CFAP43: variants seen among roughly 807,000 people sequenced by gnomAD.
CFAP43 encodes the protein cilia and flagella associated protein 43, also known as cilia- and flagella-associated protein 43.
A neutral mutation model predicts 218.9 loss-of-function variants in CFAP43; 155 were observed. The ratio of observed to expected loss-of-function variants is 0.71; its 90% CI spans 0.62 to 0.81. The LOEUF (loss-of-function observed/expected upper bound fraction) is 0.81, where lower values mean the gene tolerates loss of function less well. CFAP43 is among the 30% of genes least tolerant of loss of function. The pLI is 0.00. For missense variants in CFAP43, 1,778 were observed against 1,954.3 expected (o/e 0.91, Z 1.70); for synonymous variants, 645 against 681.3 (o/e 0.95, Z 0.83).
chr10:104,190,050 C>T (rs1435208083), intron 12 of CFAP43, among the ~76,000 whole-genome samples: 4 of 150,494 alleles, frequency 2.7e-5, no homozygotes, highest in African/African-American at 9.8e-5. Context: ...CGCCTGTAGG[C>T]CCAGCTACTC....
intron 35 of CFAP43, among the ~76,000 whole-genome samples, chr10:104,133,246 GTGT>G (rs1284244959): frequency 2.6e-5 from 4 of 152,230 alleles, no homozygotes; most frequent in African/African-American, 9.6e-5. Flanking sequence ...CTATATTGAA[GTGT>G]TAGAGGCAAA....
At chr10:104,148,535 T>A (rs919931688) in intron 28 of CFAP43, among the ~76,000 whole-genome samples, 3 of 152,172 alleles carry the variant, frequency 2.0e-5, no homozygotes, top group Admixed American at 1.3e-4. Context: ...GGGTCCCTCA[T>A]GAATAGATCA....
At chr10:104,219,874 T>C (rs555561482) in intron 3 of CFAP43, among the ~76,000 whole-genome samples, 1 of 152,344 alleles carries the variant, frequency 6.6e-6, no homozygotes, top group South Asian at 2.1e-4. Context: ...AGGATGTTCT[T>C]TCTTCTCGTC....
At chr10:104,214,122 A>G in intron 4 of CFAP43, 137 bp downstream of exon 4, 1 of 726,052 alleles carries the variant, frequency 1.4e-6, no homozygotes. Context: ...AGATAAGCTG[A>G]ACGTATGTGT....
At chr10:104,175,368 T>C (rs1206133379) in intron 19 of CFAP43, among the ~76,000 whole-genome samples, 1 of 152,166 alleles carries the variant, frequency 6.6e-6, no homozygotes, top group Non-Finnish European at 1.5e-5. Flanking sequence ...AAGCCTGCAG[T>C]GAGCTACGCT....
At position 104,168,855 on chromosome 10, in the gene CFAP43, G is replaced by A; in HGVS notation, c.2587-7C>T. ...TCTCTACATCCTTTATCATCTTGAA[G>A]AACACAGACAAAGGGAAAAGATAAA... On this transcript the variant is annotated splice_region_variant and splice_polypyrimidine_tract_variant and intron_variant, in intron 20 of 37. Coordinates refer to ENST00000357060, the MANE Select transcript of CFAP43 (RefSeq NM_025145.7). The A allele has an allele frequency of 6.3e-7, 1 of 1,594,500 alleles. No individual in the cohort carries two copies. Among genetic ancestry groups the A allele is most frequent in the Non-Finnish European group, 8.6e-7 (1 of 1,163,408 alleles).
chr10:104,207,738 A>T lies in CFAP43; in HGVS notation c.822T>A (p.Gly274=). 3 of 1,614,126 alleles carry T rather than the reference A, an allele frequency of 1.9e-6. No homozygotes were observed. Among genetic ancestry groups the T allele is most frequent in the Non-Finnish European group, 2.5e-6 (3 of 1,180,002 alleles). Residue 274 remains glycine, a synonymous_variant, in exon 6 of 38, where the codon GGT becomes GGA. Coordinates refer to ENST00000357060, the MANE Select transcript of CFAP43 (RefSeq NM_025145.7). ...TSDLYIGCEE[G]HLLMINGDTL... is the part of the protein sequence containing the mutation. ...TGTCTCCATTAATCATTAAAAGATG[A>T]CCCTCTTCACAGCCAATGTACAAGT...
At position 104,225,104 on chromosome 10, in the gene CFAP43, A is replaced by T. The variant is rs74154757; in HGVS notation, c.416+357T>A. Among the ~76,000 whole-genome samples, 927 of 152,312 alleles carry T rather than the reference A, an allele frequency of 6.1e-3. 13 individuals carry two copies. Among genetic ancestry groups the T allele is most frequent in the African/African-American group, 0.021 (873 of 41,554 alleles). ...CAATTACTTTAAACTGAACTCTAAT[A>T]TAGAGACCATCTCAATTTCAATATT... On this transcript the variant is annotated intron_variant, in intron 3 of 37. Transcript: ENST00000357060.
At chr10:104,164,475 G>A (rs1194015938) in intron 23 of CFAP43, among the ~76,000 whole-genome samples, 175 bp from the exon 24 acceptor site, 2 of 150,196 alleles carry the variant, frequency 1.3e-5, no homozygotes, top group African/African-American at 2.5e-5. Context: ...TCTGCTCACC[G>A]CAAGCTCCGC....
intron 28 of CFAP43, among the ~76,000 whole-genome samples, chr10:104,151,008 T>A (rs1034668330): frequency 6.6e-6 from 1 of 152,156 alleles, no homozygotes; most frequent in Non-Finnish European, 1.5e-5. Flanking sequence ...GGTTTTCTGT[T>A]CCTGTGTTGG....
At chr10:104,197,854 T>C (rs2090422464) in intron 9 of CFAP43, 68 bp downstream of exon 9, 8 of 1,101,252 alleles carry the variant, frequency 7.3e-6, no homozygotes, top group Non-Finnish European at 9.5e-6. Context: ...AACATATAAA[T>C]GGGGATTTAA....
intron 17 of CFAP43, 143 bp from the exon 18 acceptor site, chr10:104,180,075 C>G (rs554710308): frequency 1.5e-6 from 1 of 660,786 alleles, no homozygotes; most frequent in Admixed American, 2.6e-5. Flanking sequence ...TTTTGTCTGC[C>G]CAAGATGTAA....
At position 104,205,097 on chromosome 10, in the gene CFAP43, C is replaced by T. The variant is rs865922516; in HGVS notation, c.963+866G>A. Among the ~76,000 whole-genome samples the T allele has an allele frequency of 7.3e-4, 110 of 151,560 alleles. 1 individual carries two copies. The highest frequency in any genetic ancestry group is 3.4e-3 in the Middle Eastern group (1 of 294). ...GCGTGGTGGTGTGCACCTGTAGTCC[C>T]AGCTACTCGGGAGGCTGAGGCAGGA... On this transcript the variant is annotated intron_variant, in intron 7 of 37. Coordinates refer to ENST00000357060, the MANE Select transcript of CFAP43 (RefSeq NM_025145.7).
intron 2 of CFAP43, among the ~76,000 whole-genome samples, chr10:104,227,341 A>C (rs1257129279): frequency 6.6e-6 from 1 of 152,194 alleles, no homozygotes; most frequent in Non-Finnish European, 1.5e-5. Context: ...TACTGGGTCA[A>C]ATAGAGTCAA....
chr10:104,174,700 T>C (rs778546810), intron 19 of CFAP43, among the ~76,000 whole-genome samples: 8 of 152,114 alleles, frequency 5.3e-5, no homozygotes, highest in Non-Finnish European at 1.0e-4. Context: ...ATTACCTTTT[T>C]AAAATTGAAT....
chr10:104,192,067 T>C (rs1187881868), intron 12 of CFAP43, 132 bp downstream of exon 12: 1 of 669,004 alleles, frequency 1.5e-6, no homozygotes, highest in Non-Finnish European at 2.5e-6. Context: ...ACTTTAGTTA[T>C]TTAAAGGTTT....
At chr10:104,131,186 G>C (rs2087173648) in intron 37 of CFAP43, 145 bp downstream of exon 37, 1 of 1,029,864 alleles carries the variant, frequency 9.7e-7, no homozygotes, top group South Asian at 1.7e-5. Context: ...TGTACTCCCT[G>C]AATCTAAAAT....
chr10:104,158,289 A>G (rs2088682724), intron 27 of CFAP43, among the ~76,000 whole-genome samples: 1 of 152,210 alleles, frequency 6.6e-6, no homozygotes, highest in South Asian at 2.1e-4. Flanking sequence ...GTTATTACAC[A>G]CGAAGGAGAA....
intron 21 of CFAP43, 92 bp downstream of exon 21, chr10:104,168,652 T>A: frequency 9.6e-7 from 1 of 1,038,786 alleles, no homozygotes; most frequent in Non-Finnish European, 1.5e-6. Context: ...TGCTTTGCTA[T>A]GCCTGAATTT....
Sources: gnomAD v4.1 joint callset for allele counts (sites outside exome capture counted in the v4.1 genomes callset) on GRCh38, gnomAD v4.1.1 for gene constraint, MANE v1.5 for transcripts, NCBI Gene and HGNC (gene_info 2026-07-23, HGNC 2026-07-21) for gene names.